MAST4: variants seen among roughly 807,000 people sequenced by gnomAD.
MAST4 encodes the protein microtubule associated serine/threonine kinase family member 4.
Under a neutral mutation model 162.7 loss-of-function variants are expected in MAST4, and 89 were observed. The observed-to-expected ratio is 0.55, with a 90% CI of 0.46 to 0.65. MAST4 has a LOEUF of 0.65. MAST4 is among the 30% of genes least tolerant of loss of function. The pLI, the probability that MAST4 is intolerant of heterozygous loss-of-function variation, is 0.00. For synonymous variants in MAST4, 1,479 were observed against 1,361.1 expected, an observed-to-expected ratio of 1.09 and a Z score of -1.91; for missense variants, 3,153 against 3,374.0, an observed-to-expected ratio of 0.93 and a Z score of 1.62.
chr5:66,821,522 TG>T (rs1316839611), intron 3 of MAST4, among the ~76,000 whole-genome samples: 1 of 152,242 alleles, frequency 6.6e-6, no homozygotes, highest in Admixed American at 6.5e-5. Flanking sequence ...CTGGTTCATT[TG>T]TATGTTACTT....
At chr5:66,825,492 A>G (rs1757205629) in intron 3 of MAST4, among the ~76,000 whole-genome samples, 1 of 152,194 alleles carries the variant, frequency 6.6e-6, no homozygotes, top group African/African-American at 2.4e-5. Flanking sequence ...TCAGAGGGGA[A>G]CCCATATCCT....
chr5:66,847,705 C>CAGCTACT (rs1758960648), intron 3 of MAST4, among the ~76,000 whole-genome samples: 1 of 149,374 alleles, frequency 6.7e-6, no homozygotes, highest in Non-Finnish European at 1.5e-5. Context: ...CCTGTAATCC[C>CAGCTACT]AGCTACTTGG....
intron 3 of MAST4, among the ~76,000 whole-genome samples, chr5:66,867,170 AT>A (rs566536920): frequency 2.6e-5 from 4 of 152,202 alleles, no homozygotes; most frequent in African/African-American, 4.8e-5. Flanking sequence ...CTAATGACAG[AT>A]TTTTTTTAAT....
chr5:66,691,299 T>G (rs1239203168), intron 1 of MAST4, among the ~76,000 whole-genome samples: 1 of 152,240 alleles, frequency 6.6e-6, no homozygotes, highest in Non-Finnish European at 1.5e-5. Context: ...CTATTGGTTA[T>G]GATAGCTTAA....
chr5:66,956,397 A>G (rs1214832891), intron 4 of MAST4, among the ~76,000 whole-genome samples: 1 of 152,166 alleles, frequency 6.6e-6, no homozygotes, highest in African/African-American at 2.4e-5. Flanking sequence ...TTGTGATGTC[A>G]GCAGTCACTG....
chr5:67,063,057 C>G (rs943558446), intron 5 of MAST4, among the ~76,000 whole-genome samples: 1 of 152,152 alleles, frequency 6.6e-6, no homozygotes, highest in African/African-American at 2.4e-5. Context: ...TGTGTATGTC[C>G]AAGCTATATC....
At chr5:66,927,273 T>C (rs1415631397) in intron 4 of MAST4, among the ~76,000 whole-genome samples, 1 of 152,212 alleles carries the variant, frequency 6.6e-6, no homozygotes, top group African/African-American at 2.4e-5. Flanking sequence ...CCTTGTTGAA[T>C]CCTCAGAAGT....
chr5:66,877,517 T>C (rs1185606311), intron 3 of MAST4, among the ~76,000 whole-genome samples: 4 of 152,186 alleles, frequency 2.6e-5, no homozygotes, highest in Admixed American at 1.3e-4. Context: ...TAAGCCCCTG[T>C]TCTTAACCAC....
chr5:66,731,913 T>C (rs1032108465), intron 1 of MAST4, among the ~76,000 whole-genome samples: 1 of 152,016 alleles, frequency 6.6e-6, no homozygotes, highest in Admixed American at 6.5e-5. Flanking sequence ...AAGAACCCCA[T>C]GGAGATCTGT....
chr5:66,721,083 C>T (rs1190447530), intron 1 of MAST4, among the ~76,000 whole-genome samples: 1 of 152,202 alleles, frequency 6.6e-6, no homozygotes, highest in Non-Finnish European at 1.5e-5. Flanking sequence ...TGGCGTTTCT[C>T]CCCACCTCTT....
At chr5:66,643,978 A>T (rs183228884) in intron 1 of MAST4, among the ~76,000 whole-genome samples, 72 of 151,860 alleles carry the variant, frequency 4.7e-4, no homozygotes, top group Middle Eastern at 3.4e-3. Context: ...ATTATTGGCT[A>T]TATGAGTTAA....
intron 5 of MAST4, among the ~76,000 whole-genome samples, chr5:67,084,438 T>C (rs1055013614): frequency 6.6e-6 from 1 of 152,234 alleles, no homozygotes; most frequent in African/African-American, 2.4e-5. Context: ...GCTCTTTACA[T>C]TGTGTTCACC....
At position 67,166,748 on chromosome 5, in the gene MAST4, C is replaced by T. The variant is rs371863172; in HGVS notation, c.7569C>T (p.Ser2523=). 1.7e-5 allele frequency: 27 copies of T among 1,594,044 alleles called. No homozygotes were observed. The African/African-American group carries it at 3.2e-4, about 19-fold the overall frequency. The change falls in exon 29 of 29, where the codon TCC becomes TCT. Residue 2523 remains serine, a synonymous_variant. Coordinates refer to ENST00000403625, the MANE Select transcript of MAST4 (RefSeq NM_001164664.2). ...THMTKSDSLP[S]FRVSTLPLES... ...TGACAAAGAGTGACTCCCTGCCCTC[C>T]TTCCGGGTCTCCACCCTGCCTCTGG... is the stretch of plus-strand genomic sequence containing the variant.
chr5:66,913,228 A>G (rs895317922), intron 4 of MAST4, among the ~76,000 whole-genome samples: 5 of 152,174 alleles, frequency 3.3e-5, no homozygotes, highest in African/African-American at 4.8e-5. Context: ...TGAGATAATA[A>G]AATACCCATC....
At chr5:66,995,045 C>T (rs765046699) in intron 4 of MAST4, among the ~76,000 whole-genome samples, 11 of 152,104 alleles carry the variant, frequency 7.2e-5, no homozygotes, top group Non-Finnish European at 1.5e-4. Context: ...AAAGCCCAGT[C>T]GGCTTTGAAA....
At chr5:66,906,812 T>C (rs959561282) in intron 4 of MAST4, among the ~76,000 whole-genome samples, 1 of 152,182 alleles carries the variant, frequency 6.6e-6, no homozygotes, top group Non-Finnish European at 1.5e-5. Context: ...AATGAACTTA[T>C]TTTACCACTT....
At chr5:66,732,842 C>T (rs1751935181) in intron 1 of MAST4, among the ~76,000 whole-genome samples, 1 of 152,204 alleles carries the variant, frequency 6.6e-6, no homozygotes, top group African/African-American at 2.4e-5. Flanking sequence ...ATCTCTTGCT[C>T]AGCTGCACCT....
At chr5:66,886,637 A>T (rs1223140381) in intron 3 of MAST4, among the ~76,000 whole-genome samples, 1 of 150,424 alleles carries the variant, frequency 6.6e-6, no homozygotes, top group Non-Finnish European at 1.5e-5. Context: ...TCTGTGTAAA[A>T]ACACATACTT....
intron 4 of MAST4, among the ~76,000 whole-genome samples, chr5:66,909,839 G>A (rs1259097563): frequency 1.3e-5 from 2 of 152,282 alleles, no homozygotes; most frequent in East Asian, 1.9e-4. Flanking sequence ...TTCTCATGGT[G>A]GTGAATAAGT....
Sources: allele counts gnomAD v4.1 joint callset (sites outside exome capture counted in the v4.1 genomes callset), GRCh38; gene constraint gnomAD v4.1.1; transcripts MANE v1.5; gene names NCBI Gene and HGNC (gene_info 2026-07-23, HGNC 2026-07-21).